Variants in SEMA6A observed in about 807,000 individuals in gnomAD.
SEMA6A encodes semaphorin-6A.
SEMA6A carries 25 observed loss-of-function variants against 96.8 expected under a neutral mutation model. The observed-to-expected ratio is 0.26, with a 90% CI of 0.19 to 0.36. SEMA6A has a LOEUF of 0.36. Ranked by LOEUF, SEMA6A falls within the 10% of genes least tolerant of loss-of-function variation. SEMA6A has a pLI of 1.00. For missense variants in SEMA6A, 1,363 were observed against 1,323.1 expected (o/e 1.03, Z -0.47); for synonymous variants, 612 against 518.0 (o/e 1.18, Z -2.46).
At position 116,466,850 on chromosome 5, in the gene SEMA6A, G is replaced by C. The variant is rs190208793; in HGVS notation, c.1894+733C>G. On this transcript the variant is annotated intron_variant, in intron 18 of 18. Coordinates refer to ENST00000343348, the MANE Select transcript of SEMA6A (RefSeq NM_020796.5). ...ACAAGTAAAGGCCTCTTTGGTTGCA[G>C]CTGCAACTAAAGTAGGATGTGTTAC... Among the ~76,000 whole-genome samples, 16 of 152,302 alleles carry C rather than the reference G, an allele frequency of 1.1e-4. No individual in the cohort carries two copies. The East Asian group carries it at 2.1e-3, about 20-fold the overall frequency.
intron 18 of SEMA6A, among the ~76,000 whole-genome samples, chr5:116,466,446 A>G (rs1047184286): frequency 6.6e-6 from 1 of 152,104 alleles, no homozygotes; most frequent in Non-Finnish European, 1.5e-5. Flanking sequence ...AGAAAATAAA[A>G]TCAGTTAAGA....
In SEMA6A at chr5:116,500,054, T is replaced by C. The variant is rs138610750; in HGVS notation, c.218+2156A>G. On this transcript the variant is annotated intron_variant, in intron 3 of 18. Transcript: ENST00000343348. The stretch of plus-strand genomic sequence containing the variant: ...TTTGTTTTGATCAGCCCTTAGATAA[T>C]TGAGTATGTCATTTTCCAACCCTAT... 3.2e-3 allele frequency among the ~76,000 whole-genome samples: 484 copies of C among 152,336 alleles called. 2 individuals carry two copies. Among genetic ancestry groups the C allele is most frequent in the African/African-American group, 0.011 (459 of 41,580 alleles).
chr5:116,493,168 T>C (rs939852611), intron 6 of SEMA6A, among the ~76,000 whole-genome samples: 1 of 152,144 alleles, frequency 6.6e-6, no homozygotes, highest in Admixed American at 6.5e-5. Context: ...AAATGGAACA[T>C]GTACAGGAAG....
chr5:116,545,997 G>T (rs566411016), intron 1 of SEMA6A, among the ~76,000 whole-genome samples: 2 of 152,276 alleles, frequency 1.3e-5, no homozygotes, highest in African/African-American at 4.8e-5. Context: ...AGGCTAAGGT[G>T]GTTCATTTTG....
At chr5:116,459,405 CTTT>C in intron 18 of SEMA6A, among the ~76,000 whole-genome samples, 1 of 152,068 alleles carries the variant, frequency 6.6e-6, no homozygotes, top group East Asian at 1.9e-4. Context: ...CCTGTGGTCC[CTTT>C]CTTCCCAACG....
At chr5:116,452,818 G>A (rs1027422656) in intron 18 of SEMA6A, among the ~76,000 whole-genome samples, 7 of 152,164 alleles carry the variant, frequency 4.6e-5, no homozygotes, top group African/African-American at 1.2e-4. Context: ...CACTCTCCTA[G>A]TATAACAAGG....
intron 1 of SEMA6A, among the ~76,000 whole-genome samples, chr5:116,538,119 A>G (rs1014870117): frequency 1.3e-5 from 2 of 152,096 alleles, no homozygotes; most frequent in Non-Finnish European, 2.9e-5. Context: ...AGGTTGCAGT[A>G]AGCTGAGATC....
At chr5:116,495,591 G>A in intron 5 of SEMA6A, 77 bp from the exon 6 acceptor site, 1 of 1,101,840 alleles carries the variant, frequency 9.1e-7, no homozygotes, top group Non-Finnish European at 1.3e-6. Context: ...GCCATGGTTG[G>A]CTGACAGTAA....
At chr5:116,561,927 T>C (rs1246571420) in intron 1 of SEMA6A, among the ~76,000 whole-genome samples, 1 of 152,016 alleles carries the variant, frequency 6.6e-6, no homozygotes, top group Non-Finnish European at 1.5e-5. Flanking sequence ...GACTTTTTAA[T>C]AGAAACCTTT....
chr5:116,449,468 C>A (rs1754491151), intron 18 of SEMA6A: 1 of 634,236 alleles, frequency 1.6e-6, no homozygotes. Context: ...CAACACGCAA[C>A]CTTAAACTTC....
rs1381167160 is a variant in SEMA6A, at chr5:116,574,613, AG to A, written c.-468del. ...CGGGGGGCGGGGTGGGGGCTGGGGC[AG>A]GGGTGCAAGGCTCTGGCCCGGCTCT... On this transcript the variant is annotated 5_prime_UTR_variant, in exon 1 of 19. Transcript: ENST00000343348. The A allele has an allele frequency of 6.7e-6, 1 of 148,288 alleles. No homozygotes were observed. The highest frequency in any genetic ancestry group is 2.0e-4 in the East Asian group (1 of 4,908). 9.2% of individuals were successfully genotyped at this position (148,288 alleles called of 1,614,324 possible).
chr5:116,511,660 C>G (rs1344687883), intron 1 of SEMA6A, among the ~76,000 whole-genome samples: 1 of 152,144 alleles, frequency 6.6e-6, no homozygotes, highest in East Asian at 1.9e-4. Flanking sequence ...ACAGTTGCTC[C>G]CAAACATGTA....
intron 1 of SEMA6A, among the ~76,000 whole-genome samples, chr5:116,549,377 C>T (rs1425081189): frequency 6.6e-6 from 1 of 152,108 alleles, no homozygotes. Flanking sequence ...CTTGATCATG[C>T]TTATCTCCTG....
At chr5:116,509,607 TGAGA>T (rs113431602) in intron 1 of SEMA6A, among the ~76,000 whole-genome samples, 5 of 150,442 alleles carry the variant, frequency 3.3e-5, no homozygotes, top group East Asian at 2.0e-4. Flanking sequence ...TCTGTGTGTG[TGAGA>T]GAGAGAGAGA....
At position 116,488,121 on chromosome 5, in the gene SEMA6A, T is replaced by A. The variant is rs961057807; in HGVS notation, c.731A>T (p.Asn244Ile). Residue 244 changes from asparagine to isoleucine, a missense_variant, in exon 9 of 19, where the codon AAC becomes ATC. Around this residue, in one of 2 missense-constraint regions of SEMA6A, gnomAD observed 480 missense variants for 559.5 expected, o/e 0.86. Coordinates refer to ENST00000343348, the MANE Select transcript of SEMA6A (RefSeq NM_020796.5). ...ATCCCCTCTTACCTTTCCCATGGTG[T>A]TATACTCCACTGCTATTTCCCTGAA... ...FFFREIAVEY[N>I]TMGKVVFPRV... 6.2e-7 allele frequency: 1 copy of A among 1,608,360 alleles called. No homozygotes were observed. Among genetic ancestry groups the A allele is most frequent in the Non-Finnish European group, 8.5e-7 (1 of 1,175,508 alleles).
intron 18 of SEMA6A, among the ~76,000 whole-genome samples, chr5:116,462,751 A>C (rs1755490296): frequency 6.6e-6 from 1 of 152,110 alleles, no homozygotes; most frequent in Admixed American, 6.6e-5. Context: ...TGTCAGAACA[A>C]AGTTCTTGGT....
chr5:116,481,330 A>G (rs578006930), intron 11 of SEMA6A, among the ~76,000 whole-genome samples: 4 of 152,146 alleles, frequency 2.6e-5, no homozygotes, highest in African/African-American at 9.7e-5. Context: ...ATCTAGAACT[A>G]TCTAGAAGGT....
intron 1 of SEMA6A, chr5:116,550,174 C>T (rs1442155128): frequency 6.6e-6 from 1 of 152,176 alleles, no homozygotes; most frequent in Non-Finnish European, 1.5e-5. Flanking sequence ...TTAGGTCATT[C>T]ATTTTCAAAA....
chr5:116,548,339 C>T (rs1451809445), intron 1 of SEMA6A, among the ~76,000 whole-genome samples: 1 of 152,140 alleles, frequency 6.6e-6, no homozygotes, highest in Non-Finnish European at 1.5e-5. Flanking sequence ...CATCACATTT[C>T]TCATCACACT....
Sources: gnomAD v4.1 joint callset for allele counts (sites outside exome capture counted in the v4.1 genomes callset) on GRCh38, gnomAD v4.1.1 for gene constraint, gnomAD v4.1.1 regional missense constraint, MANE v1.5 for transcripts, NCBI Gene and HGNC (gene_info 2026-07-23, HGNC 2026-07-21) for gene names.